BTK: variants seen among roughly 807,000 people sequenced by gnomAD.
BTK encodes the protein tyrosine-protein kinase BTK.
In BTK, 5 loss-of-function variants were observed where a neutral mutation model predicts 57.4. The ratio of observed to expected loss-of-function variants is 0.09; its 90% CI spans 0.05 to 0.18. The LOEUF (loss-of-function observed/expected upper bound fraction) is 0.18. Ranked by LOEUF, BTK falls within the 10% of genes least tolerant of loss-of-function variation. The pLI, the probability that BTK is intolerant of heterozygous loss-of-function variation, is 1.00. For synonymous variants in BTK, 154 were observed against 174.3 expected, an observed-to-expected ratio of 0.88 and a Z score of 0.92; for missense variants, 194 against 501.2, an observed-to-expected ratio of 0.39 and a Z score of 5.85.
intron 17 of BTK, 96 bp downstream of exon 17, chrX:101,353,774 A>G: frequency 1.3e-6 from 1 of 770,753 alleles, no homozygotes; most frequent in East Asian, 3.1e-5. Context: ...GAATGAAAGC[A>G]AGAACAATAT....
chrX:101,349,618 T>C lies in BTK; in HGVS notation c.*267A>G, dbSNP rs1926205092. The C allele has an allele frequency of 2.9e-6, 1 of 350,331 alleles. No homozygotes were observed. The highest frequency in any genetic ancestry group is 2.6e-5 in the African/African-American group (1 of 38,778). 28.9% of individuals were successfully genotyped at this position (350,331 alleles called of 1,213,427 possible). A position where few individuals can be genotyped will look rare whatever the true frequency, so the allele number is the denominator to read the frequency against. ...CCCCTTTGTGCGGCTATTTACATCC[T>C]CCCTCCTAAAAAATATTTTCATCGC... On this transcript the variant is annotated 3_prime_UTR_variant, in exon 19 of 19. Coordinates refer to ENST00000308731, the MANE Select transcript of BTK (RefSeq NM_000061.3).
chrX:101,383,947 T>A (rs1299769901), intron 1 of BTK, among the ~76,000 whole-genome samples: 1 of 111,632 alleles, frequency 9.0e-6, no homozygotes, highest in Non-Finnish European at 1.9e-5. Context: ...CCAAGTAGCT[T>A]TGGAGTCAAA....
At position 101,376,559 on chromosome X, in the gene BTK, G is replaced by A. The variant is rs184794245; in HGVS notation, c.-30-1245C>T. Reference sequence around the variant, plus strand: ...GGAGAATCGCTTGAACCCAGGAGGCGGAGGTTGCAGTGAGCCGAGATTGTG... The same window carrying A: ...GGAGAATCGCTTGAACCCAGGAGGCAGAGGTTGCAGTGAGCCGAGATTGTG... On this transcript the variant is annotated intron_variant, in intron 1 of 18. Transcript: ENST00000308731. 6.3e-3 allele frequency among the ~76,000 whole-genome samples: 702 copies of A among 111,387 alleles called. 4 individuals are homozygous for A. The highest frequency in any genetic ancestry group is 0.022 in the African/African-American group (665 of 30,607).
chrX:101,389,422 A>G (rs190511126), upstream of BTK, among the ~76,000 whole-genome samples: 15 of 111,889 alleles, frequency 1.3e-4, no homozygotes, highest in African/African-American at 4.9e-4. Flanking sequence ...GAGATTGCTT[A>G]AGAATCTGGA....
intron 1 of BTK, among the ~76,000 whole-genome samples, chrX:101,380,247 C>T (rs1341911421): frequency 9.0e-6 from 1 of 111,009 alleles, no homozygotes; most frequent in Non-Finnish European, 1.9e-5. Context: ...GCTGGGACTA[C>T]AGGTGTGCAC....
At chrX:101,357,664 C>G (rs1926531923) in intron 12 of BTK, 81 bp from the exon 13 acceptor site, 2 of 783,665 alleles carry the variant, frequency 2.6e-6, no homozygotes, top group South Asian at 4.1e-5. Context: ...AAGCCTCACA[C>G]TTCCGGTGTG....
intron 16 of BTK, 51 bp downstream of exon 16, chrX:101,354,579 A>G: frequency 8.8e-7 from 1 of 1,138,912 alleles, no homozygotes; most frequent in South Asian, 1.8e-5. Context: ...CCCATGTTTC[A>G]TACTGTGCTA....
intron 5 of BTK, among the ~76,000 whole-genome samples, chrX:101,367,800 A>G (rs1388746351): frequency 9.0e-5 from 10 of 111,489 alleles, no homozygotes; most frequent in African/African-American, 3.3e-4. Context: ...TCTGCCTTGC[A>G]TTCCCCCATT....
chrX:101,364,452 C>T (rs1244788798), intron 5 of BTK, among the ~76,000 whole-genome samples: 2 of 108,723 alleles, frequency 1.8e-5, no homozygotes, highest in Non-Finnish European at 3.8e-5. Flanking sequence ...AGAAACAACT[C>T]AAATCCTTAA....
chrX:101,382,471 C>T (rs12556131), intron 1 of BTK, among the ~76,000 whole-genome samples: 11,356 of 110,352 alleles, frequency 0.1, 520 homozygotes, highest in African/African-American at 0.17. Flanking sequence ...GGACTACAGC[C>T]GCACACCATG....
Position 101,375,988 on chromosome X carries a change from T to TC in BTK, c.-30-675_-30-674insG, listed in dbSNP as rs1927203253. The stretch of plus-strand genomic sequence containing the variant: ...TTGGTGGGTTTTGGTGGGGGGGGGG[T>TC]AGTTGTTGTTTTCTGACCTTTTCCC... On this transcript the variant is annotated intron_variant, in intron 1 of 18. Coordinates refer to ENST00000308731, the MANE Select transcript of BTK (RefSeq NM_000061.3). 3.1e-5 allele frequency among the ~76,000 whole-genome samples: 3 copies of TC among 97,049 alleles called. No homozygotes were observed. In the South Asian group the frequency reaches 1.4e-3, roughly 45 times the overall value. The allele number at this position is 97,049 out of a possible 115,157, so 84.3% of individuals were successfully genotyped here.
intron 13 of BTK, 135 bp downstream of exon 13, chrX:101,357,374 T>C: frequency 1.7e-6 from 1 of 585,104 alleles, no homozygotes; most frequent in Non-Finnish European, 3.0e-6. Context: ...TAACTTTTGC[T>C]TGGATCTGTC....
At chrX:101,351,981 G>A (rs1330676336) in intron 18 of BTK, among the ~76,000 whole-genome samples, 2 of 109,810 alleles carry the variant, frequency 1.8e-5, no homozygotes, top group Admixed American at 9.7e-5. Flanking sequence ...GGCTAACACG[G>A]TGAAACCCTG....
chrX:101,352,897 A>AT, intron 18 of BTK: 1 of 226,161 alleles, frequency 4.4e-6, no homozygotes, highest in Non-Finnish European at 7.6e-6. Context: ...AGACTGTGTC[A>AT]CCAAAAAAAA....
chrX:101,363,533 A>G (rs57578919), intron 5 of BTK, among the ~76,000 whole-genome samples: 13,274 of 109,550 alleles, frequency 0.12, 792 homozygotes, highest in South Asian at 0.28. Context: ...AGCCTGGCCA[A>G]GATGGTGAAA....
chrX:101,354,127 C>A, intron 16 of BTK, 139 bp from the exon 17 acceptor site: 1 of 515,429 alleles, frequency 1.9e-6, no homozygotes, highest in Non-Finnish European at 3.4e-6. Flanking sequence ...GTATCTTCTA[C>A]AAACGTTACT....
At chrX:101,369,662 T>G (rs2147442957) in intron 5 of BTK, among the ~76,000 whole-genome samples, 1 of 111,605 alleles carries the variant, frequency 9.0e-6, no homozygotes, top group South Asian at 3.7e-4. Flanking sequence ...AGTCTAATAT[T>G]TTATCTTTTA....
Position 101,375,327 on chromosome X carries a change from A to C in BTK, c.-30-13T>G. On this transcript the variant is annotated splice_polypyrimidine_tract_variant and intron_variant, in intron 1 of 18. Coordinates refer to ENST00000308731, the MANE Select transcript of BTK (RefSeq NM_000061.3). ...GTTCACCTGTGTGCTGTTGATAATG[A>C]AAGTTCCTGAGGACCCAGGACATTA... 8.3e-7 allele frequency: 1 copy of C among 1,206,294 alleles called. No individual in the cohort carries two copies. Among genetic ancestry groups the C allele is most frequent in the Non-Finnish European group, 1.1e-6 (1 of 891,810 alleles).
chrX:101,360,436 A>G (rs1200491155), intron 8 of BTK, 132 bp downstream of exon 8: 1 of 714,001 alleles, frequency 1.4e-6, no homozygotes, highest in Non-Finnish European at 2.1e-6. Flanking sequence ...ACTTGGAGGG[A>G]GAGCATGTTC....
Sources: allele counts gnomAD v4.1 joint callset (sites outside exome capture counted in the v4.1 genomes callset), GRCh38; gene constraint gnomAD v4.1.1; transcripts MANE v1.5; gene names NCBI Gene and HGNC (gene_info 2026-07-23, HGNC 2026-07-21).